PEMT: variants seen among roughly 807,000 people sequenced by gnomAD.
PEMT encodes phosphatidylethanolamine N-methyltransferase, also known as phospholipid methyltransferase.
Under a neutral mutation model 27.4 loss-of-function variants are expected in PEMT, and 23 were observed. That is an observed-to-expected ratio of 0.84 (90% CI 0.60 to 1.19). The LOEUF (loss-of-function observed/expected upper bound fraction) is 1.19, where lower values mean the gene tolerates loss of function less well. Ranked by LOEUF, PEMT falls within the 50% of genes most tolerant of loss-of-function variation. PEMT has a pLI of 0.00. For missense variants in PEMT, 307 were observed against 310.1 expected (o/e 0.99, Z 0.07); for synonymous variants, 137 against 139.1 (o/e 0.98, Z 0.11).
At chr17:17,510,598 C>G (rs1350017900) in intron 4 of PEMT, among the ~76,000 whole-genome samples, 1 of 152,220 alleles carries the variant, frequency 6.6e-6, no homozygotes, top group African/African-American at 2.4e-5. Flanking sequence ...GTAGATGGCA[C>G]AGAAACCCAA....
At chr17:17,506,350 G>A (rs1178124637) in intron 5 of PEMT, 49 bp from the exon 6 acceptor site, 1 of 1,398,768 alleles carries the variant, frequency 7.1e-7, no homozygotes, top group African/African-American at 1.4e-5. Flanking sequence ...GGGTCTCTCA[G>A]GGCCACGGCC....
chr17:17,560,588 C>T (rs1221223881), intron 2 of PEMT, among the ~76,000 whole-genome samples: 1 of 152,166 alleles, frequency 6.6e-6, no homozygotes. Context: ...GTTAGAGAAC[C>T]GGGAATGGGG....
At chr17:17,584,950 C>T (rs1017703918) in intron 1 of PEMT, among the ~76,000 whole-genome samples, 4 of 152,158 alleles carry the variant, frequency 2.6e-5, no homozygotes, top group East Asian at 3.8e-4. Flanking sequence ...CAGTGCCTGG[C>T]GGGGGGCATG....
chr17:17,546,286 C>T (rs1909255182), intron 2 of PEMT, among the ~76,000 whole-genome samples: 2 of 152,162 alleles, frequency 1.3e-5, no homozygotes, highest in Admixed American at 1.3e-4. Flanking sequence ...TGTCCTGATG[C>T]CTGCTGGACA....
intron 2 of PEMT, chr17:17,570,850 AG>A: frequency 1.0e-6 from 1 of 985,326 alleles, no homozygotes; most frequent in South Asian, 4.7e-5. Context: ...AGAGTCCGCG[AG>A]GGTACAGATC....
intron 1 of PEMT, among the ~76,000 whole-genome samples, chr17:17,589,043 C>A (rs1912466757): frequency 6.6e-6 from 1 of 152,266 alleles, no homozygotes; most frequent in Non-Finnish European, 1.5e-5. Context: ...TCACTGCAAC[C>A]TCCACCTACG....
intron 2 of PEMT, among the ~76,000 whole-genome samples, chr17:17,575,038 T>A (rs11078389): frequency 6.6e-6 from 1 of 152,174 alleles, no homozygotes; most frequent in African/African-American, 2.4e-5. Context: ...AACAAATGAC[T>A]GCCAACTTAG....
At chr17:17,515,157 G>A (rs1906729026) in intron 3 of PEMT, among the ~76,000 whole-genome samples, 1 of 152,156 alleles carries the variant, frequency 6.6e-6, no homozygotes, top group African/African-American at 2.4e-5. Flanking sequence ...GCGGAGACCC[G>A]AGCCAGGCCT....
intron 3 of PEMT, among the ~76,000 whole-genome samples, chr17:17,515,103 G>C (rs1302082828): frequency 6.6e-6 from 1 of 152,200 alleles, no homozygotes; most frequent in Non-Finnish European, 1.5e-5. Flanking sequence ...CGAGACGCTG[G>C]AGGGTCACTC....
At chr17:17,572,960 G>T (rs1246714403) in intron 2 of PEMT, among the ~76,000 whole-genome samples, 1 of 145,552 alleles carries the variant, frequency 6.9e-6, no homozygotes, top group African/African-American at 2.6e-5. Flanking sequence ...AGGCCAACGC[G>T]GGCAGATCAC....
At chr17:17,522,104 C>T (rs1907309908) in intron 3 of PEMT, among the ~76,000 whole-genome samples, 176 bp downstream of exon 3, 1 of 152,142 alleles carries the variant, frequency 6.6e-6, no homozygotes, top group South Asian at 2.1e-4. Flanking sequence ...CCTCTGCTGG[C>T]CAGAGTCTAA....
rs185042410 is a variant in PEMT, at chr17:17,510,212, A to G, written c.467-667T>C. 2.0e-3 allele frequency among the ~76,000 whole-genome samples: 307 copies of G among 152,188 alleles called. 3 individuals are homozygous for G. The highest frequency in any genetic ancestry group is 7.1e-3 in the African/African-American group (293 of 41,524). ...CCTGTTCCAGACAGGCCAGCCATGC[A>G]CCCGTCAGCCGCACAGCCACAAGGC... On this transcript the variant is annotated intron_variant, in intron 4 of 6. Transcript: ENST00000255389.
At chr17:17,575,532 A>G (rs1018130830) in intron 2 of PEMT, among the ~76,000 whole-genome samples, 5 of 152,230 alleles carry the variant, frequency 3.3e-5, no homozygotes, top group Non-Finnish European at 7.3e-5. Context: ...CAGGCCAGGC[A>G]GTGGGAGGAA....
chr17:17,534,893 GGCTAT>G, intron 2 of PEMT, among the ~76,000 whole-genome samples: 1 of 145,720 alleles, frequency 6.9e-6, no homozygotes, highest in Non-Finnish European at 1.5e-5. Context: ...TCCTCTATAA[GGCTAT>G]TTTATTTTAT....
At chr17:17,533,453 G>A (rs1908245503) in intron 2 of PEMT, among the ~76,000 whole-genome samples, 1 of 152,274 alleles carries the variant, frequency 6.6e-6, no homozygotes, top group South Asian at 2.1e-4. Context: ...AACACCAAAA[G>A]CACAAGCAAT....
intron 2 of PEMT, among the ~76,000 whole-genome samples, chr17:17,529,945 A>G (rs1907967936): frequency 1.3e-5 from 2 of 152,168 alleles, no homozygotes; most frequent in Non-Finnish European, 1.5e-5. Context: ...ATCTATTGCT[A>G]TGGTGTAAGC....
chr17:17,553,463 C>T (rs557250706), intron 2 of PEMT, among the ~76,000 whole-genome samples: 5 of 152,226 alleles, frequency 3.3e-5, no homozygotes, highest in Non-Finnish European at 4.4e-5. Flanking sequence ...CCCTTACCAG[C>T]GGCCACCCGG....
chr17:17,510,712 T>C (rs1240945959), intron 4 of PEMT, among the ~76,000 whole-genome samples: 2 of 152,216 alleles, frequency 1.3e-5, no homozygotes, highest in Non-Finnish European at 2.9e-5. Context: ...GCCAGGAGGC[T>C]GTGGCCACTG....
At chr17:17,591,424 A>G in intron 1 of PEMT, 107 bp downstream of exon 1, 3 of 755,188 alleles carry the variant, frequency 4.0e-6, no homozygotes, top group Non-Finnish European at 6.1e-6. Context: ...ATTGCCTGGG[A>G]ACTGGCGGCC....
Sources: allele counts gnomAD v4.1 joint callset (sites outside exome capture counted in the v4.1 genomes callset), GRCh38; gene constraint gnomAD v4.1.1; transcripts MANE v1.5; gene names NCBI Gene and HGNC (gene_info 2026-07-23, HGNC 2026-07-21).